ARHGAP25: variants seen among roughly 807,000 people sequenced by gnomAD.
The protein encoded by ARHGAP25 is rho GTPase-activating protein 25.
Under a neutral mutation model 71.0 loss-of-function variants are expected in ARHGAP25, and 34 were observed. The observed-to-expected ratio is 0.48, with a 90% CI of 0.36 to 0.64. The LOEUF (loss-of-function observed/expected upper bound fraction) is 0.64. Among genes scored for constraint, ARHGAP25 ranks in the 30% least tolerant of loss-of-function variants. The probability of loss-of-function intolerance (pLI) is 0.00; values close to 1 mark genes in which losing one functional copy is unlikely to be tolerated. For missense variants in ARHGAP25, 706 were observed against 805.1 expected, an observed-to-expected ratio of 0.88 and a Z score of 1.49; for synonymous variants, 282 against 296.5, an observed-to-expected ratio of 0.95 and a Z score of 0.50.
Position 68,787,993 on chromosome 2 carries a change from A to G in ARHGAP25, c.466+37A>G, listed in dbSNP as rs137855702. The G allele has an allele frequency of 9.8e-4, 1,495 of 1,526,998 alleles. 27 individuals are homozygous for G. The East Asian group carries it at 0.031, about 31-fold the overall frequency. The allele number at this position is 1,526,998 out of a possible 1,614,324, so 94.6% of individuals were successfully genotyped here. On this transcript the variant is annotated intron_variant, in intron 4 of 10. Transcript: ENST00000409202. Reference sequence around the variant, plus strand: ...TGCAGGCTTTCCTGGGCAGGTGCCTATGACATCTCAGAAAGTAGGAAGTAG... The same window carrying G: ...TGCAGGCTTTCCTGGGCAGGTGCCTGTGACATCTCAGAAAGTAGGAAGTAG...
chr2:68,715,187 C>T (rs1023817844), intron 2 of ARHGAP25, among the ~76,000 whole-genome samples: 2 of 152,164 alleles, frequency 1.3e-5, no homozygotes, highest in Non-Finnish European at 2.9e-5. Flanking sequence ...TCCTCAAATC[C>T]AGTGGTTCTC....
intron 1 of ARHGAP25, among the ~76,000 whole-genome samples, chr2:68,748,303 T>C (rs957129428): frequency 6.6e-6 from 1 of 152,202 alleles, no homozygotes; most frequent in Non-Finnish European, 1.5e-5. Flanking sequence ...AGTTCAAATA[T>C]TATCTCTTCA....
intron 1 of ARHGAP25, among the ~76,000 whole-genome samples, chr2:68,746,682 A>T (rs1261955166): frequency 6.9e-6 from 1 of 144,832 alleles, no homozygotes; most frequent in Non-Finnish European, 1.5e-5. Flanking sequence ...GGGCATGGGC[A>T]TGGGTTTAAA....
At chr2:68,730,561 G>A (rs900177484), upstream of ARHGAP25, among the ~76,000 whole-genome samples, 3 of 151,794 alleles carry the variant, frequency 2.0e-5, no homozygotes, top group Non-Finnish European at 4.4e-5. Flanking sequence ...AAGGCGTGAG[G>A]ATTGCTTAAG....
intron 4 of ARHGAP25, among the ~76,000 whole-genome samples, chr2:68,804,568 G>A (rs1680229204): frequency 6.6e-6 from 1 of 152,130 alleles, no homozygotes; most frequent in Admixed American, 6.5e-5. Context: ...ACCCCTCAAA[G>A]GCAGACAGTC....
chr2:68,789,892 G>A (rs947321620), intron 4 of ARHGAP25, among the ~76,000 whole-genome samples: 2 of 152,150 alleles, frequency 1.3e-5, no homozygotes, highest in East Asian at 1.9e-4. Flanking sequence ...CATGAGTCCT[G>A]TAGGCGGTGG....
chr2:68,796,155 A>C (rs1345770629), intron 4 of ARHGAP25, among the ~76,000 whole-genome samples: 2 of 152,178 alleles, frequency 1.3e-5, no homozygotes, highest in East Asian at 3.9e-4. Flanking sequence ...TCCTCCAATA[A>C]ATGTATTTTG....
At chr2:68,808,030 C>G (rs983919754) in intron 5 of ARHGAP25, among the ~76,000 whole-genome samples, 2 of 152,212 alleles carry the variant, frequency 1.3e-5, no homozygotes, top group African/African-American at 4.8e-5. Context: ...GGCCGCCTGG[C>G]ATTCCTAAGT....
chr2:68,799,754 G>C (rs1679833005), intron 4 of ARHGAP25, among the ~76,000 whole-genome samples: 1 of 152,214 alleles, frequency 6.6e-6, no homozygotes, highest in African/African-American at 2.4e-5. Flanking sequence ...GGGGGAAGAA[G>C]GGCCGGGAGG....
chr2:68,823,320 C>A (rs1337399692), intron 10 of ARHGAP25, among the ~76,000 whole-genome samples: 1 of 151,994 alleles, frequency 6.6e-6, no homozygotes, highest in Non-Finnish European at 1.5e-5. Flanking sequence ...GACAGATGGA[C>A]AATACAAATA....
intron 2 of ARHGAP25, among the ~76,000 whole-genome samples, chr2:68,719,429 A>G (rs1345202642): frequency 1.0e-5 from 1 of 100,116 alleles, no homozygotes. Context: ...TCGACATGGC[A>G]AAAAAAAAAA....
upstream of ARHGAP25, among the ~76,000 whole-genome samples, chr2:68,731,275 C>G (rs1675015077): frequency 6.6e-6 from 1 of 152,080 alleles, no homozygotes; most frequent in Middle Eastern, 3.2e-3. Flanking sequence ...CGTGCCCCAT[C>G]TCTGTGATTG....
chr2:68,821,070 T>A (rs1041841831), intron 9 of ARHGAP25, among the ~76,000 whole-genome samples: 1 of 150,982 alleles, frequency 6.6e-6, no homozygotes, highest in Non-Finnish European at 1.5e-5. Flanking sequence ...ACACACTGCC[T>A]TCAGTTCTTT....
chr2:68,753,320 T>G (rs1456518150), intron 1 of ARHGAP25, among the ~76,000 whole-genome samples: 3 of 152,244 alleles, frequency 2.0e-5, no homozygotes, highest in African/African-American at 7.2e-5. Context: ...TAGTGGGTTT[T>G]CTGCTACTTT....
At chr2:68,810,658 G>T (rs551186737) in intron 5 of ARHGAP25, among the ~76,000 whole-genome samples, 2 of 151,470 alleles carry the variant, frequency 1.3e-5, no homozygotes, top group South Asian at 2.1e-4. Context: ...TGATTAAACT[G>T]TCTAGGTGTC....
upstream of ARHGAP25, among the ~76,000 whole-genome samples, chr2:68,731,871 G>A (rs1013731681): frequency 1.3e-5 from 2 of 151,648 alleles, no homozygotes; most frequent in African/African-American, 4.9e-5. Context: ...GTATTTAATC[G>A]TTCACTTAAT....
chr2:68,737,396 A>G (rs1675276177), intron 1 of ARHGAP25, among the ~76,000 whole-genome samples: 1 of 152,206 alleles, frequency 6.6e-6, no homozygotes, highest in Admixed American at 6.5e-5. Flanking sequence ...CTCAACCTAG[A>G]TACCATTGAC....
In ARHGAP25 at chr2:68,822,863, A is replaced by C; in HGVS notation, c.1724A>C (p.Gln575Pro). 6.2e-7 allele frequency: 1 copy of C among 1,609,798 alleles called. No homozygotes were observed. The highest frequency in any genetic ancestry group is 8.5e-7 in the Non-Finnish European group (1 of 1,178,498). ...IETQKQMYEEQIKNLEKENYD... is the reference protein window; with the variant it reads ...IETQKQMYEEPIKNLEKENYD... ...ACACAGAAGCAAATGTATGAGGAAC[A>C]GATTAAAAAGTAAGTCAGACAGAGG... The change falls in exon 10 of 11, where the codon CAG (glutamine) becomes CCG (proline). Residue 575 changes from glutamine to proline, a missense_variant. Gln to Pro is a moderately conservative substitution (Grantham distance 76). Coordinates refer to ENST00000409202, the MANE Select transcript of ARHGAP25 (RefSeq NM_001007231.3).
In ARHGAP25 at chr2:68,817,907, A is replaced by C. The variant is rs1681348410; in HGVS notation, c.916A>C (p.Asn306His). 1 of 1,614,116 alleles carries C rather than the reference A, an allele frequency of 6.2e-7. No individual in the cohort carries two copies. Among genetic ancestry groups the C allele is most frequent in the Non-Finnish European group, 8.5e-7 (1 of 1,179,962 alleles). The change falls in exon 8 of 11, where the codon AAC becomes CAC. Residue 306 changes from asparagine (N) to histidine (H), a missense_variant. By Grantham distance (68) the Asn-to-His change is moderately conservative. Coordinates refer to ENST00000409202, the MANE Select transcript of ARHGAP25 (RefSeq NM_001007231.3). ...LHEIQLNCAV[N>H]KMSVDNLATV... ...TGAAATACAGCTGAACTGTGCTGTT[A>C]ACAAGATGAGTGTGGACAACCTGGC... is the stretch of plus-strand genomic sequence containing the variant.
Sources: allele counts gnomAD v4.1 joint callset (sites outside exome capture counted in the v4.1 genomes callset), GRCh38; gene constraint gnomAD v4.1.1; transcripts MANE v1.5; gene names NCBI Gene and HGNC (gene_info 2026-07-23, HGNC 2026-07-21).